The following ANKRD30BL variants were observed in gnomAD, a reference collection of about 807,000 sequenced individuals.
ANKRD30BL encodes the protein putative ankyrin repeat domain-containing protein 30B-like.
In ANKRD30BL, 20 loss-of-function variants were observed where a neutral mutation model predicts 18.4. The observed-to-expected ratio is 1.09, with a 90% CI of 0.77 to 1.58. ANKRD30BL has a LOEUF of 1.58. Among genes scored for constraint, ANKRD30BL ranks in the 40% most tolerant of loss-of-function variants. The probability of loss-of-function intolerance (pLI) is 0.00; values close to 1 mark genes in which losing one functional copy is unlikely to be tolerated. For missense variants in ANKRD30BL, 224 were observed against 268.6 expected, an observed-to-expected ratio of 0.83 and a Z score of 1.16; for synonymous variants, 72 against 100.9, an observed-to-expected ratio of 0.71 and a Z score of 1.72.
chr2:132,204,191 T>C (rs1433414624), intron 1 of ANKRD30BL, among the ~76,000 whole-genome samples: 1 of 149,998 alleles, frequency 6.7e-6, no homozygotes, highest in East Asian at 2.0e-4. Context: ...ACAGAAGGAG[T>C]AAAAGGAGAG....
At chr2:132,150,220 C>A (rs193159223) in intron 5 of ANKRD30BL, among the ~76,000 whole-genome samples, 4 of 127,852 alleles carry the variant, frequency 3.1e-5, no homozygotes, top group Non-Finnish European at 6.1e-5. Context: ...CATGTCTCTA[C>A]AATAAAGAAA....
At chr2:132,151,110 C>T (rs926511503) in intron 4 of ANKRD30BL, 134 bp from the exon 5 acceptor site, 2 of 376,170 alleles carry the variant, frequency 5.3e-6, no homozygotes, top group Non-Finnish European at 9.5e-6. Context: ...TTTCCATAGA[C>T]TTTAAGTTTG....
At chr2:132,230,640 A>C (rs1158469695) in intron 1 of ANKRD30BL, among the ~76,000 whole-genome samples, 1 of 152,132 alleles carries the variant, frequency 6.6e-6, no homozygotes, top group Admixed American at 6.6e-5. Context: ...GGAAACGGGA[A>C]TAACTTCACA....
intron 1 of ANKRD30BL, among the ~76,000 whole-genome samples, chr2:132,241,747 C>A (rs1573883242): frequency 6.6e-6 from 1 of 151,948 alleles, no homozygotes; most frequent in Admixed American, 6.6e-5. Flanking sequence ...ACTCAACTCA[C>A]AGAGTTGAAT....
chr2:132,214,009 G>A (rs577414924), intron 1 of ANKRD30BL, among the ~76,000 whole-genome samples: 1 of 150,940 alleles, frequency 6.6e-6, no homozygotes, highest in South Asian at 2.1e-4. Context: ...CTAGACAGAA[G>A]CATTCTGTGA....
At chr2:132,165,658 G>C (rs1242846391), upstream of ANKRD30BL, among the ~76,000 whole-genome samples, 1 of 151,714 alleles carries the variant, frequency 6.6e-6, no homozygotes, top group East Asian at 1.9e-4. Context: ...GGAGGTGGAG[G>C]TTGCAGTATC....
rs1344463046 is a variant in ANKRD30BL, at chr2:132,208,685, G to A, written n.441+48844C>T. Among the ~76,000 whole-genome samples the A allele has an allele frequency of 2.0e-5, 3 of 151,484 alleles. No individual in the cohort carries two copies. The East Asian group carries it at 5.8e-4, about 29-fold the overall frequency. The stretch of plus-strand genomic sequence containing the variant: ...AATGTATAGCAGGAAAAGGAGATAA[G>A]TGTATTCACTAAAGCAAGGAGACTA... On this transcript the variant is annotated intron_variant and non_coding_transcript_variant, in intron 1 of 4. Transcript: ENST00000470729.
intron 1 of ANKRD30BL, among the ~76,000 whole-genome samples, chr2:132,234,816 A>C (rs1680111158): frequency 6.6e-6 from 1 of 152,148 alleles, no homozygotes; most frequent in Non-Finnish European, 1.5e-5. Context: ...AAAAGAGGGA[A>C]TCCTCCCTAA....
At chr2:132,179,843 A>G (rs971693917) in intron 1 of ANKRD30BL, among the ~76,000 whole-genome samples, 19 of 152,196 alleles carry the variant, frequency 1.2e-4, no homozygotes, top group Non-Finnish European at 1.5e-5. Flanking sequence ...TTGTTTTTAT[A>G]AAAGAGTTAA....
intron 1 of ANKRD30BL, among the ~76,000 whole-genome samples, chr2:132,184,112 T>G (rs1688522277): frequency 6.6e-6 from 1 of 152,080 alleles, no homozygotes; most frequent in African/African-American, 2.4e-5. Context: ...CTCACTCTGT[T>G]GCCCAAGATG....
chr2:132,257,139 C>T, intron 1 of ANKRD30BL: 1 of 462,852 alleles, frequency 2.2e-6, no homozygotes, highest in African/African-American at 2.0e-5. Context: ...GTGACCTCAG[C>T]CACAAACCTA....
Position 132,229,213 on chromosome 2 carries a change from C to T in ANKRD30BL, n.441+28316G>A, listed in dbSNP as rs573122016. Among the ~76,000 whole-genome samples the T allele has an allele frequency of 2.2e-4, 34 of 152,034 alleles. 1 individual carries two copies. The highest frequency in any genetic ancestry group is 8.2e-4 in the African/African-American group (34 of 41,420). On this transcript the variant is annotated intron_variant and non_coding_transcript_variant, in intron 1 of 4. Coordinates refer to the ANKRD30BL transcript ENST00000470729. ...CCTTTGAAGGACCAGTTTTGAAATA[C>T]TCTTTTTGTAGAATCTGCAAGTGGA...
At chr2:132,165,181 T>A (rs1688163203), upstream of ANKRD30BL, among the ~76,000 whole-genome samples, 1 of 152,058 alleles carries the variant, frequency 6.6e-6, no homozygotes. Context: ...GCTTCACCTA[T>A]TAAACCTCCT....
chr2:132,212,219 T>G (rs2872846), intron 1 of ANKRD30BL, among the ~76,000 whole-genome samples: 1 of 151,634 alleles, frequency 6.6e-6, no homozygotes, highest in Non-Finnish European at 1.5e-5. Context: ...TATTTGAAGC[T>G]CTTTGAGGCC....
intron 1 of ANKRD30BL, among the ~76,000 whole-genome samples, chr2:132,198,363 G>A (rs1679018961): frequency 8.5e-6 from 1 of 117,428 alleles, no homozygotes; most frequent in African/African-American, 3.3e-5. Context: ...TCCCTCTGTC[G>A]CCCAGGCTGG....
At position 132,148,230 on chromosome 2, in the gene ANKRD30BL, T is replaced by C. The variant is rs1687660449; in HGVS notation, c.680-2A>G. 4.4e-6 allele frequency: 7 copies of C among 1,602,372 alleles called. No individual in the cohort carries two copies. The highest frequency in any genetic ancestry group is 6.0e-6 in the Non-Finnish European group (7 of 1,175,144). The stretch of plus-strand genomic sequence containing the variant: ...CAGGTGTTCCTTCAGATGTTCCTTC[T>C]GCCAAACACAGAGTCTGGTTAAATT... On this transcript the variant is annotated splice_acceptor_variant, in intron 5 of 5. Coordinates refer to ENST00000409867, the MANE Select transcript of ANKRD30BL (RefSeq NM_001358416.1). LOFTEE classifies it high-confidence loss of function.
chr2:132,229,575 T>A (rs1679948697), intron 1 of ANKRD30BL, among the ~76,000 whole-genome samples: 1 of 152,214 alleles, frequency 6.6e-6, no homozygotes, highest in Non-Finnish European at 1.5e-5. Context: ...AATGTGCAAG[T>A]TGTTATTTGG....
At chr2:132,205,217 T>G (rs1453802093) in intron 1 of ANKRD30BL, among the ~76,000 whole-genome samples, 1 of 152,018 alleles carries the variant, frequency 6.6e-6, no homozygotes, top group African/African-American at 2.4e-5. Flanking sequence ...CTATTGTCAA[T>G]CAGGGAAACA....
At chr2:132,174,434 G>C (rs1248625179) in intron 1 of ANKRD30BL, among the ~76,000 whole-genome samples, 3 of 152,086 alleles carry the variant, frequency 2.0e-5, no homozygotes, top group African/African-American at 4.8e-5. Flanking sequence ...TAACTTGCAG[G>C]AGTCTCTCCA....
Sources: allele counts gnomAD v4.1 joint callset (sites outside exome capture counted in the v4.1 genomes callset), GRCh38; gene constraint gnomAD v4.1.1; transcripts MANE v1.5; gene names NCBI Gene and HGNC (gene_info 2026-07-23, HGNC 2026-07-21).